Variants in SEC24B observed in about 807,000 individuals in gnomAD.
SEC24B encodes the protein SEC24 homolog B, COPII component.
Under a neutral mutation model 142.8 loss-of-function variants are expected in SEC24B, and 45 were observed. The observed-to-expected ratio is 0.32, with a 90% CI of 0.25 to 0.40. SEC24B has a LOEUF of 0.40. SEC24B is among the 10% of genes least tolerant of loss of function. SEC24B has a pLI of 1.00. For synonymous variants in SEC24B, 574 were observed against 568.2 expected (o/e 1.01, Z -0.15); for missense variants, 1,409 against 1,526.8 (o/e 0.92, Z 1.29).
rs376418277 is a variant in SEC24B, at chr4:109,533,627, A to G, written c.3530A>G (p.Asn1177Ser). 365 of 1,611,336 alleles carry G rather than the reference A, an allele frequency of 2.3e-4. 3 individuals carry two copies. Among genetic ancestry groups the G allele is most frequent in the Non-Finnish European group, 2.7e-4 (321 of 1,179,122 alleles). The stretch of plus-strand genomic sequence containing the variant: ...ATTTGGGTTGGGAAAGGCTGTGACA[A>G]TAACTTCATAGAGGATGTGCTTGGA... ...FYIWVGKGCD[N>S]NFIEDVLGYT... Residue 1177 changes from asparagine (N) to serine (S), a missense_variant, in exon 22 of 24, where the codon AAT becomes AGT. Asn to Ser is a conservative substitution (Grantham distance 46, BLOSUM62 1). Transcript: ENST00000265175.
intron 23 of SEC24B, among the ~76,000 whole-genome samples, chr4:109,539,128 A>T (rs1282103283): frequency 6.6e-6 from 1 of 151,818 alleles, no homozygotes; most frequent in East Asian, 1.9e-4. Context: ...CGCCCAGCTA[A>T]TTTTTGTATT....
intron 6 of SEC24B, among the ~76,000 whole-genome samples, chr4:109,501,028 G>A (rs890337589): frequency 6.6e-6 from 1 of 152,162 alleles, no homozygotes; most frequent in Non-Finnish European, 1.5e-5. Flanking sequence ...GTACAGTAGT[G>A]TCCTGGGCTT....
chr4:109,530,908 AAAAAAAAAAAAAG>A (rs1724850825), intron 19 of SEC24B, among the ~76,000 whole-genome samples: 1 of 150,670 alleles, frequency 6.6e-6, no homozygotes, highest in African/African-American at 2.4e-5. Context: ...AAAAAAAAAA[AAAAAAAAAAAAAG>A]AAAAGATCAG....
intron 2 of SEC24B, among the ~76,000 whole-genome samples, chr4:109,471,109 A>G (rs907245848): frequency 2.6e-5 from 4 of 152,156 alleles, no homozygotes; most frequent in Admixed American, 6.5e-5. Context: ...ATGTGTATCA[A>G]TACATACATG....
At chr4:109,467,804 A>G (rs1732108578) in intron 2 of SEC24B, among the ~76,000 whole-genome samples, 2 of 152,342 alleles carry the variant, frequency 1.3e-5, no homozygotes, top group South Asian at 4.1e-4. Flanking sequence ...CCACATCTTG[A>G]TAGCGTATTA....
At chr4:109,467,063 A>AGTG (rs1731977014) in intron 2 of SEC24B, among the ~76,000 whole-genome samples, 1 of 151,952 alleles carries the variant, frequency 6.6e-6, no homozygotes, top group Non-Finnish European at 1.5e-5. Flanking sequence ...GCGGTGGCTC[A>AGTG]CGCCTGTAAT....
At chr4:109,518,523 T>C (rs1723226667) in intron 11 of SEC24B, among the ~76,000 whole-genome samples, 1 of 152,244 alleles carries the variant, frequency 6.6e-6, no homozygotes, top group African/African-American at 2.4e-5. Flanking sequence ...CCCTGTTGAA[T>C]GCTACTTCTA....
At chr4:109,482,192 A>G (rs1158277411) in intron 4 of SEC24B, among the ~76,000 whole-genome samples, 2 of 152,228 alleles carry the variant, frequency 1.3e-5, no homozygotes, top group Non-Finnish European at 2.9e-5. Context: ...GGATTTTATA[A>G]TAGGGATAGA....
intron 18 of SEC24B, among the ~76,000 whole-genome samples, chr4:109,529,829 G>A (rs947125286): frequency 6.6e-6 from 1 of 152,166 alleles, no homozygotes; most frequent in African/African-American, 2.4e-5. Flanking sequence ...GACCTCCCAG[G>A]CTCAAGCAGT....
chr4:109,524,779 A>G (rs1221481234), intron 14 of SEC24B, 39 bp from the exon 15 acceptor site: 1 of 1,569,358 alleles, frequency 6.4e-7, no homozygotes, highest in Non-Finnish European at 8.6e-7. Context: ...ATATGAGCAT[A>G]AAGATTGCTA....
chr4:109,479,333 C>G (rs1733493457), intron 3 of SEC24B, among the ~76,000 whole-genome samples: 1 of 152,090 alleles, frequency 6.6e-6, no homozygotes, highest in South Asian at 2.1e-4. Context: ...GGTAGCTACT[C>G]CATGTACATA....
chr4:109,482,977 TATAC>T (rs1188463668), intron 4 of SEC24B, among the ~76,000 whole-genome samples: 52 of 47,446 alleles, frequency 1.1e-3, no homozygotes, highest in Middle Eastern at 0.015. Flanking sequence ...TATATATATA[TATAC>T]ACACACACAC....
chr4:109,436,852 G>A (rs536839516), intron 1 of SEC24B, among the ~76,000 whole-genome samples: 1 of 152,160 alleles, frequency 6.6e-6, no homozygotes, highest in Non-Finnish European at 1.5e-5. Flanking sequence ...GGAGGGTGGC[G>A]GCACCTGCCC....
At chr4:109,505,139 GT>G (rs1208150427) in intron 6 of SEC24B, among the ~76,000 whole-genome samples, 5 of 151,942 alleles carry the variant, frequency 3.3e-5, no homozygotes, top group African/African-American at 7.2e-5. Flanking sequence ...TTATTGTAAT[GT>G]TTTTTGACAT....
intron 8 of SEC24B, 115 bp downstream of exon 8, chr4:109,510,226 A>G (rs1480877474): frequency 1.0e-5 from 5 of 501,462 alleles, no homozygotes; most frequent in Non-Finnish European, 1.6e-5. Context: ...GAAGTTAGAA[A>G]TAATCATTTC....
Position 109,463,094 on chromosome 4 carries a change from G to A in SEC24B, c.327G>A (p.Gln109=). Residue 109 remains glutamine, a synonymous_variant, in exon 2 of 24, where the codon CAG becomes CAA. Coordinates refer to ENST00000265175, the MANE Select transcript of SEC24B (RefSeq NM_006323.5). ...ATGTGACTCCTAACACAGTGAACCA[G>A]CAACCAGGAGCACAGCAGTTGTACA... ...TQNVTPNTVN[Q]QPGAQQLYSR... The A allele has an allele frequency of 6.2e-7, 1 of 1,614,132 alleles. No individual in the cohort carries two copies. The highest frequency in any genetic ancestry group is 8.5e-7 in the Non-Finnish European group (1 of 1,180,014).
chr4:109,476,297 C>A (rs776996115), intron 3 of SEC24B, among the ~76,000 whole-genome samples: 2 of 151,950 alleles, frequency 1.3e-5, no homozygotes, highest in Non-Finnish European at 2.9e-5. Context: ...ATCACTACAG[C>A]TTTTATTGTT....
chr4:109,477,131 C>A (rs28580356), intron 3 of SEC24B, among the ~76,000 whole-genome samples: 5 of 133,692 alleles, frequency 3.7e-5, no homozygotes, highest in African/African-American at 1.5e-4. Context: ...AGCGAGACTC[C>A]GTCTCAAATA....
chr4:109,507,837 G>T (rs1168186829), intron 7 of SEC24B, among the ~76,000 whole-genome samples: 1 of 151,966 alleles, frequency 6.6e-6, no homozygotes, highest in Non-Finnish European at 1.5e-5. Flanking sequence ...TAGAGACAGG[G>T]TTTCTGCATG....
Sources: gnomAD v4.1 joint callset for allele counts (sites outside exome capture counted in the v4.1 genomes callset) on GRCh38, gnomAD v4.1.1 for gene constraint, MANE v1.5 for transcripts, NCBI Gene and HGNC (gene_info 2026-07-23, HGNC 2026-07-21) for gene names.